The following GPC6 variants were observed in gnomAD, a reference collection of about 807,000 sequenced individuals.
GPC6 encodes the protein glypican-6.
A neutral mutation model predicts 55.2 loss-of-function variants in GPC6; 14 were observed. The ratio of observed to expected loss-of-function variants is 0.25; its 90% CI spans 0.17 to 0.40. GPC6 has a LOEUF of 0.40. GPC6 is among the 10% of genes least tolerant of loss of function. The pLI is 1.00. For synonymous variants in GPC6, 278 were observed against 259.6 expected, an observed-to-expected ratio of 1.07 and a Z score of -0.68; for missense variants, 641 against 708.5, an observed-to-expected ratio of 0.90 and a Z score of 1.08.
chr13:93,598,030 G>C (rs1029870163), intron 2 of GPC6, among the ~76,000 whole-genome samples: 8 of 152,124 alleles, frequency 5.3e-5, no homozygotes, highest in Non-Finnish European at 1.2e-4. Flanking sequence ...TGTAGTCCCA[G>C]CTACTCAGGG....
intron 1 of GPC6, among the ~76,000 whole-genome samples, chr13:93,305,887 T>A (rs187382423): frequency 1.5e-4 from 23 of 152,324 alleles, no homozygotes; most frequent in Admixed American, 6.5e-4. Context: ...AGCAATCAAC[T>A]TTTTGCCTCC....
At chr13:93,606,971 T>C (rs1878261617) in intron 2 of GPC6, among the ~76,000 whole-genome samples, 1 of 152,180 alleles carries the variant, frequency 6.6e-6, no homozygotes, top group Non-Finnish European at 1.5e-5. Context: ...TGAATGAATA[T>C]ATAATTTATT....
chr13:93,565,177 C>T (rs1876033683), intron 2 of GPC6, among the ~76,000 whole-genome samples: 1 of 152,118 alleles, frequency 6.6e-6, no homozygotes, highest in Non-Finnish European at 1.5e-5. Flanking sequence ...CTTCCATGGA[C>T]CTGTGTCTCC....
intron 4 of GPC6, among the ~76,000 whole-genome samples, chr13:94,122,361 G>A (rs1886662368): frequency 6.6e-6 from 1 of 152,102 alleles, no homozygotes; most frequent in South Asian, 2.1e-4. Context: ...CTAAAGTCAG[G>A]TCCAGTCTGA....
At chr13:93,594,139 A>T (rs1326893672) in intron 2 of GPC6, among the ~76,000 whole-genome samples, 1 of 151,838 alleles carries the variant, frequency 6.6e-6, no homozygotes, top group Non-Finnish European at 1.5e-5. Context: ...TTTTCTATAT[A>T]TGACTTTATT....
intron 1 of GPC6, among the ~76,000 whole-genome samples, chr13:93,254,620 C>T (rs1876893275): frequency 6.6e-6 from 1 of 151,928 alleles, no homozygotes; most frequent in African/African-American, 2.4e-5. Flanking sequence ...TTTATGTTTT[C>T]TAGCACATTT....
At chr13:93,434,185 C>T (rs1323543826) in intron 1 of GPC6, among the ~76,000 whole-genome samples, 1 of 152,154 alleles carries the variant, frequency 6.6e-6, no homozygotes, top group African/African-American at 2.4e-5. Flanking sequence ...CAACCGTTCT[C>T]ACAGAGTCAT....
At chr13:93,774,381 C>T (rs973565608) in intron 2 of GPC6, among the ~76,000 whole-genome samples, 2 of 152,134 alleles carry the variant, frequency 1.3e-5, no homozygotes, top group Middle Eastern at 3.2e-3. Flanking sequence ...TTTTTAAGAA[C>T]ACTGGAATAT....
intron 6 of GPC6, among the ~76,000 whole-genome samples, chr13:94,368,427 A>G (rs1001339889): frequency 6.6e-6 from 1 of 152,180 alleles, no homozygotes; most frequent in African/African-American, 2.4e-5. Flanking sequence ...TTATTAGTAC[A>G]AGCAATTTCT....
At chr13:94,182,431 T>C (rs1358416020) in intron 4 of GPC6, among the ~76,000 whole-genome samples, 1 of 152,170 alleles carries the variant, frequency 6.6e-6, no homozygotes, top group Admixed American at 6.5e-5. Context: ...TTGCTAGGTA[T>C]GGAGCTGAAC....
At chr13:94,330,642 G>T (rs574399914) in intron 6 of GPC6, among the ~76,000 whole-genome samples, 2 of 152,128 alleles carry the variant, frequency 1.3e-5, no homozygotes, top group East Asian at 1.9e-4. Context: ...ATTTCAACAA[G>T]ATCCCAGGTG....
chr13:94,316,712 GTC>G (rs1356331306), intron 6 of GPC6, among the ~76,000 whole-genome samples: 1 of 112,798 alleles, frequency 8.9e-6, no homozygotes. Context: ...GCGAGACTCC[GTC>G]TCAAAAAAAA....
chr13:93,551,205 T>C, intron 2 of GPC6, among the ~76,000 whole-genome samples: 1 of 152,178 alleles, frequency 6.6e-6, no homozygotes, highest in East Asian at 1.9e-4. Context: ...CCATTGATTT[T>C]ATTTTCAACA....
chr13:94,250,073 G>A (rs1348794538), intron 4 of GPC6, among the ~76,000 whole-genome samples: 1 of 152,150 alleles, frequency 6.6e-6, no homozygotes, highest in Non-Finnish European at 1.5e-5. Flanking sequence ...CCTTTGTTAA[G>A]CATTAATAAA....
intron 6 of GPC6, among the ~76,000 whole-genome samples, chr13:94,338,564 T>A (rs1185407858): frequency 1.3e-5 from 2 of 152,210 alleles, no homozygotes; most frequent in African/African-American, 2.4e-5. Flanking sequence ...TGCTCCATCA[T>A]GACAGCAATC....
intron 1 of GPC6, among the ~76,000 whole-genome samples, chr13:93,448,195 A>G (rs554465518): frequency 2.0e-5 from 3 of 152,332 alleles, no homozygotes; most frequent in South Asian, 4.1e-4. Flanking sequence ...GATGAACCAC[A>G]TATGTGATGA....
chr13:94,299,341 A>G (rs974932790), intron 5 of GPC6, among the ~76,000 whole-genome samples: 3 of 152,256 alleles, frequency 2.0e-5, no homozygotes, highest in African/African-American at 7.2e-5. Flanking sequence ...TGTAACCCCA[A>G]GGTCACACAA....
chr13:93,776,981 A>G (rs1276309280), intron 2 of GPC6, among the ~76,000 whole-genome samples: 1 of 152,218 alleles, frequency 6.6e-6, no homozygotes, highest in Non-Finnish European at 1.5e-5. Context: ...CCCCTGTCAG[A>G]TTTCCTTATC....
chr13:93,758,721 T>C (rs926332487), intron 2 of GPC6, among the ~76,000 whole-genome samples: 6 of 152,096 alleles, frequency 3.9e-5, no homozygotes, highest in Non-Finnish European at 8.8e-5. Flanking sequence ...CCTGGATACC[T>C]GCCCTTTCTC....
Sources: gnomAD v4.1 joint callset for allele counts (sites outside exome capture counted in the v4.1 genomes callset) on GRCh38, gnomAD v4.1.1 for gene constraint, MANE v1.5 for transcripts, NCBI Gene and HGNC (gene_info 2026-07-23, HGNC 2026-07-21) for gene names.